The following IL17RD variants were observed in gnomAD, a reference collection of about 807,000 sequenced individuals.
The protein encoded by IL17RD is interleukin-17 receptor D.
A neutral mutation model predicts 80.5 loss-of-function variants in IL17RD; 52 were observed. That is an observed-to-expected ratio of 0.65 (90% CI 0.52 to 0.81). The LOEUF (loss-of-function observed/expected upper bound fraction) is 0.81, where lower values mean the gene tolerates loss of function less well. Among genes scored for constraint, IL17RD ranks in the 40% least tolerant of loss-of-function variants. The pLI is 0.00. For missense variants in IL17RD, 1,024 were observed against 955.1 expected (o/e 1.07, Z -0.95); for synonymous variants, 416 against 391.8 (o/e 1.06, Z -0.73).
rs910770594 is a variant in IL17RD, at chr3:57,120,282, A to G, written c.158T>C (p.Leu53Pro). The change falls in exon 2 of 13, where the codon CTG (leucine) becomes CCG (proline). Residue 53 changes from leucine to proline, a missense_variant. Coordinates refer to ENST00000296318, the MANE Select transcript of IL17RD (RefSeq NM_017563.5). The stretch of plus-strand genomic sequence containing the variant: ...GTCATATTTGAAGGTGATGTTGTAC[A>G]GCCCACTGTTTCTGCTGGCTGGCCC... The part of the protein sequence containing the change: ...GVGPASRNSG[L>P]YNITFKYDNC... The G allele has an allele frequency of 1.1e-5, 17 of 1,613,662 alleles. No individual in the cohort carries two copies. The highest frequency in any genetic ancestry group is 2.7e-5 in the African/African-American group (2 of 74,946).
Position 57,092,861 on chromosome 3 carries a change from A to G in IL17RD, c.*3532T>C, listed in dbSNP as rs1706590230. 1 of 152,184 alleles carries G rather than the reference A, an allele frequency of 6.6e-6. No homozygotes were observed. The highest frequency in any genetic ancestry group is 1.5e-5 in the Non-Finnish European group (1 of 68,034). 9.4% of individuals were successfully genotyped at this position (152,184 alleles called of 1,614,324 possible). ...TGAATGCCTTTCCTTCAAATCTTATAAAGCACAGGTTAACAAACTGGTAGT... is the reference window on the plus strand; with the variant it reads ...TGAATGCCTTTCCTTCAAATCTTATGAAGCACAGGTTAACAAACTGGTAGT... On this transcript the variant is annotated 3_prime_UTR_variant, in exon 13 of 13. Coordinates refer to ENST00000296318, the MANE Select transcript of IL17RD (RefSeq NM_017563.5).
intron 1 of IL17RD, among the ~76,000 whole-genome samples, chr3:57,120,721 A>G (rs1488215617): frequency 6.6e-6 from 1 of 152,216 alleles, no homozygotes; most frequent in Non-Finnish European, 1.5e-5. Context: ...CGCAAGCTCT[A>G]TTAAGCCACG....
upstream of IL17RD, chr3:57,165,384 C>A: frequency 9.5e-7 from 1 of 1,049,152 alleles, no homozygotes; most frequent in Non-Finnish European, 1.2e-6. Context: ...GCGGCGGCAG[C>A]GAAGGGGACC....
chr3:57,120,850 C>T (rs1872942), intron 1 of IL17RD, among the ~76,000 whole-genome samples: 24,097 of 152,094 alleles, frequency 0.16, 2,465 homozygotes, highest in East Asian at 0.36. Flanking sequence ...CATACCTATG[C>T]TTGGAATACA....
intron 1 of IL17RD, among the ~76,000 whole-genome samples, chr3:57,154,283 T>TATATATACACACACACACAC (rs904157398): frequency 1.6e-4 from 18 of 112,908 alleles, no homozygotes; most frequent in African/African-American, 5.4e-4. Context: ...TATATATATA[T>TATATATACACACACACACAC]ACACACACAC....
chr3:57,133,930 A>G (rs1015099979), intron 1 of IL17RD, among the ~76,000 whole-genome samples: 1 of 152,254 alleles, frequency 6.6e-6, no homozygotes, highest in African/African-American at 2.4e-5. Flanking sequence ...CCATGGAGAA[A>G]TGTTTACAAA....
rs1706741467 is a variant in IL17RD at position 57,098,273 on chromosome 3, G to T, written c.1430C>A (p.Ala477Asp). ...SSSAALSKFIAVYFDYSCEGD... is the reference protein window; with the variant it reads ...SSSAALSKFIDVYFDYSCEGD... ...CTCGCAGGAATAATCAAAGTAGACG[G>T]CGATAAACTTGCTGAGCGCCGCGGA... Residue 477 changes from alanine (A) to aspartate (D), a missense_variant, in exon 12 of 13, where the codon GCC becomes GAC. By Grantham distance (126) the Ala-to-Asp change is moderately radical (BLOSUM62 -2). Coordinates refer to ENST00000296318, the MANE Select transcript of IL17RD (RefSeq NM_017563.5). 6.2e-7 allele frequency: 1 copy of T among 1,613,982 alleles called. No homozygotes were observed. Among genetic ancestry groups the T allele is most frequent in the East Asian group, 2.2e-5 (1 of 44,876 alleles).
chr3:57,119,277 G>A (rs1282399893), intron 2 of IL17RD, among the ~76,000 whole-genome samples: 5 of 151,848 alleles, frequency 3.3e-5, no homozygotes, highest in African/African-American at 7.3e-5. Context: ...GCACGGACCC[G>A]GGAGGTGGAG....
At position 57,098,374 on chromosome 3, in the gene IL17RD, G is replaced by A. The variant is rs1030101064; in HGVS notation, c.1329C>T (p.Gly443=). 3.1e-6 allele frequency: 5 copies of A among 1,613,908 alleles called. No homozygotes were observed. Among genetic ancestry groups the A allele is most frequent in the African/African-American group, 1.3e-5 (1 of 74,928 alleles). The change falls in exon 12 of 13, where the codon GGC becomes GGT. Residue 443 remains glycine (G), a synonymous_variant. Coordinates refer to ENST00000296318, the MANE Select transcript of IL17RD (RefSeq NM_017563.5). The part of the protein sequence containing the change: ...KNYKHKGGGR[G]SGKGELFLVA... ...CCAGGAAGAGCTCTCCTTTCCCCGA[G>A]CCTCGGCCACCTCCTTTGTGTTTGT...
Position 57,107,281 on chromosome 3 carries a change from A to G in IL17RD, c.551-1127T>C, listed in dbSNP as rs376666065. Among the ~76,000 whole-genome samples the G allele has an allele frequency of 1.2e-4, 18 of 152,108 alleles. 1 individual carries two copies. The highest frequency in any genetic ancestry group is 6.8e-3 in the Middle Eastern group (2 of 294). On this transcript the variant is annotated intron_variant, in intron 5 of 12. Coordinates refer to ENST00000296318, the MANE Select transcript of IL17RD (RefSeq NM_017563.5). The stretch of plus-strand genomic sequence containing the variant: ...GTAGTCCCAGCTACTCAGGAGGCTG[A>G]GTCAGGAGAATGGCGTGAACCCCGG...
chr3:57,113,600 G>A (rs1047955149), intron 3 of IL17RD, among the ~76,000 whole-genome samples: 5 of 152,138 alleles, frequency 3.3e-5, no homozygotes, highest in Admixed American at 2.6e-4. Context: ...GCAGTGGCAC[G>A]ATAATCATAG....
chr3:57,098,141 G>T lies in IL17RD; in HGVS notation c.1562C>A (p.Pro521Gln). 1.2e-6 allele frequency: 2 copies of T among 1,613,988 alleles called. No individual in the cohort carries two copies. Among genetic ancestry groups the T allele is most frequent in the South Asian group, 2.2e-5 (2 of 91,080 alleles). Residue 521 changes from proline to glutamine, a missense_variant, in exon 12 of 13, where the codon CCG becomes CAG. Pro to Gln is a moderately conservative substitution (Grantham distance 76). Coordinates refer to ENST00000296318, the MANE Select transcript of IL17RD (RefSeq NM_017563.5). ...LHSRDHGLQEPGQHTRQGSRR... is the reference protein window; with the variant it reads ...LHSRDHGLQEQGQHTRQGSRR... Reference sequence around the variant, plus strand: ...GCTGCCCTGTCGCGTGTGCTGCCCCGGCTCCTGGAGGCCGTGGTCTCGGGA... The same window carrying T: ...GCTGCCCTGTCGCGTGTGCTGCCCCTGCTCCTGGAGGCCGTGGTCTCGGGA...
chr3:57,163,785 C>CGGGGGGGGGGGGGGGGGGGGGGG lies in IL17RD; in HGVS notation c.126+1375_126+1376insCCCCCCCCCCCCCCCCCCCCCCC, dbSNP rs57632395. 1.9e-4 allele frequency among the ~76,000 whole-genome samples: 3 copies of CGGGGGGGGGGGGGGGGGGGGGGG among 15,960 alleles called. 1 individual carries two copies. Among genetic ancestry groups the CGGGGGGGGGGGGGGGGGGGGGGG allele is most frequent in the Non-Finnish European group, 3.9e-4 (2 of 5,088 alleles). The allele number at this position is 15,960 out of a possible 152,430, so 10.5% of individuals were successfully genotyped here. A position where few individuals can be genotyped will look rare whatever the true frequency, so the allele number is the denominator to read the frequency against. ...GAAGGAATGACAGAGCCTAATGGGG[C>CGGGGGGGGGGGGGGGGGGGGGGG]GGGGGGGCGGGGGGGGAAGGGGGTG... On this transcript the variant is annotated intron_variant, in intron 1 of 12. Transcript: ENST00000296318.
intron 1 of IL17RD, among the ~76,000 whole-genome samples, chr3:57,148,969 G>A (rs1233447742): frequency 6.6e-6 from 1 of 152,204 alleles, no homozygotes; most frequent in East Asian, 1.9e-4. Context: ...AAGGTTGGAA[G>A]GTTGGGGAAG....
chr3:57,154,277 TATATATACACACAC>T (rs1559486461), intron 1 of IL17RD, among the ~76,000 whole-genome samples: 1 of 124,522 alleles, frequency 8.0e-6, no homozygotes, highest in South Asian at 2.6e-4. Context: ...TATATATATA[TATATATACACACAC>T]ACACACACAC....
intron 1 of IL17RD, among the ~76,000 whole-genome samples, chr3:57,127,639 TC>T (rs1233354907): frequency 1.3e-5 from 2 of 151,846 alleles, no homozygotes; most frequent in Admixed American, 1.3e-4. Flanking sequence ...ACTCCTGATC[TC>T]AAGAGATCTG....
chr3:57,163,364 G>T (rs1258364182), intron 1 of IL17RD, among the ~76,000 whole-genome samples: 1 of 152,112 alleles, frequency 6.6e-6, no homozygotes, highest in South Asian at 2.1e-4. Context: ...TTTTATGAGG[G>T]TGCAGGTTTG....
chr3:57,103,959 AC>A (rs1706894475), intron 8 of IL17RD, among the ~76,000 whole-genome samples: 1 of 152,214 alleles, frequency 6.6e-6, no homozygotes, highest in Non-Finnish European at 1.5e-5. Context: ...ATTTATACAT[AC>A]ATAGAAGAAT....
Position 57,159,354 on chromosome 3 carries a change from C to T in IL17RD, c.126+5807G>A, listed in dbSNP as rs555554609. Among the ~76,000 whole-genome samples, 5 of 152,228 alleles carry T rather than the reference C, an allele frequency of 3.3e-5. No homozygotes were observed. The South Asian group carries it at 8.3e-4, about 25-fold the overall frequency. On this transcript the variant is annotated intron_variant, in intron 1 of 12. Transcript: ENST00000296318. ...CTTTTCAATCAGCCGGTGGCCCTGC[C>T]GGGTTTAGAGTGGCAGAGGGGAAGT...
Sources: gnomAD v4.1 joint callset for allele counts (sites outside exome capture counted in the v4.1 genomes callset) on GRCh38, gnomAD v4.1.1 for gene constraint, MANE v1.5 for transcripts, NCBI Gene and HGNC (gene_info 2026-07-23, HGNC 2026-07-21) for gene names.